The following INTS3 variants were observed in gnomAD, a reference collection of about 807,000 sequenced individuals.
INTS3 encodes integrator complex subunit 3.
Under a neutral mutation model 146.3 loss-of-function variants are expected in INTS3, and 34 were observed. That is an observed-to-expected ratio of 0.23 (90% CI 0.18 to 0.31). INTS3 has a LOEUF of 0.31. Ranked by LOEUF, INTS3 falls within the 10% of genes least tolerant of loss-of-function variation. The pLI is 1.00. For missense variants in INTS3, 757 were observed against 1,304.2 expected, an observed-to-expected ratio of 0.58 and a Z score of 6.46; for synonymous variants, 475 against 494.9, an observed-to-expected ratio of 0.96 and a Z score of 0.53.
intron 20 of INTS3, among the ~76,000 whole-genome samples, chr1:153,765,449 C>T (rs1175728684): frequency 2.0e-5 from 3 of 152,152 alleles, no homozygotes; most frequent in African/African-American, 7.2e-5. Context: ...CTTCAGCCTC[C>T]TGAGTAGCTA....
intron 4 of INTS3, 52 bp downstream of exon 4, chr1:153,747,122 TTCTC>T: frequency 7.2e-7 from 1 of 1,394,002 alleles, no homozygotes; most frequent in Non-Finnish European, 1.0e-6. Flanking sequence ...AGGATGGATC[TTCTC>T]TCTGTCAGGA....
Position 153,757,531 on chromosome 1 carries a change from A to T in INTS3, c.958-41A>T. On this transcript the variant is annotated intron_variant, in intron 9 of 29. Coordinates refer to ENST00000318967, the MANE Select transcript of INTS3 (RefSeq NM_023015.5). This position sits in a 1 kb window ranked among gnomAD's most constrained non-coding sequence, Gnocchi z 4.0. ...GTTTTCCTCTGGCCAAGGACCCCACACTGTCTTCTAAGGTCTTTTTCTTGC... is the reference window on the plus strand; with the variant it reads ...GTTTTCCTCTGGCCAAGGACCCCACTCTGTCTTCTAAGGTCTTTTTCTTGC... 1.3e-6 allele frequency: 2 copies of T among 1,587,534 alleles called. No homozygotes were observed. Among genetic ancestry groups the T allele is most frequent in the Non-Finnish European group, 1.7e-6 (2 of 1,158,500 alleles).
chr1:153,757,853 A>C lies in INTS3; in HGVS notation c.1149+90A>C. The C allele has an allele frequency of 9.5e-7, 1 of 1,053,506 alleles. No homozygotes were observed. Among genetic ancestry groups the C allele is most frequent in the Non-Finnish European group, 1.4e-6 (1 of 696,510 alleles). The allele number at this position is 1,053,506 out of a possible 1,614,324, so 65.3% of individuals were successfully genotyped here. ...TTCTTCCTGACTCCAGGGCCACTTG[A>C]CCCCTAAGGGCCCTTCTTTCACTCT... On this transcript the variant is annotated intron_variant, in intron 10 of 29. Coordinates refer to ENST00000318967, the MANE Select transcript of INTS3 (RefSeq NM_023015.5). This position sits in a 1 kb window ranked among gnomAD's most constrained non-coding sequence, Gnocchi z 4.0.
At chr1:153,754,170 C>T (rs1164873292) in intron 8 of INTS3, among the ~76,000 whole-genome samples, 1 of 152,050 alleles carries the variant, frequency 6.6e-6, no homozygotes. Context: ...TTGAGGGAGG[C>T]ACATCTCACG....
intron 17 of INTS3, 110 bp downstream of exon 17, chr1:153,763,996 T>A: frequency 7.8e-7 from 1 of 1,284,006 alleles, no homozygotes. Flanking sequence ...GTCCCTCTTA[T>A]AGTGGGGAGG....
At position 153,772,949 on chromosome 1, in the gene INTS3, G is replaced by A. The variant is rs781554191; in HGVS notation, c.2919G>A (p.Ala973=). ...KMKFSDLFSL[A]EEYEDSSTKP... is the part of the protein sequence containing the mutation. ...GATTCAGTGATCTCTTCTCCCTGGC[G>A]GAGGAATATGAGGACTCTTCCACCA... Residue 973 remains alanine, a synonymous_variant, in exon 29 of 30, where the codon GCG becomes GCA. Transcript: ENST00000318967. This position sits in a 1 kb window ranked among gnomAD's most constrained non-coding sequence, Gnocchi z 4.6. 12 of 1,613,994 alleles carry A rather than the reference G, an allele frequency of 7.4e-6. No homozygotes were observed. Among genetic ancestry groups the A allele is most frequent in the African/African-American group, 2.7e-5 (2 of 74,904 alleles).
intron 25 of INTS3, among the ~76,000 whole-genome samples, chr1:153,771,513 C>A (rs1464881024): frequency 1.3e-5 from 2 of 152,118 alleles, no homozygotes; most frequent in Non-Finnish European, 2.9e-5. Context: ...CAGGCCCACT[C>A]CCTGACTGTT....
chr1:153,745,917 A>G (rs1220668621), intron 3 of INTS3, among the ~76,000 whole-genome samples: 1 of 152,190 alleles, frequency 6.6e-6, no homozygotes, highest in African/African-American at 2.4e-5. Context: ...CCTAGGGAAC[A>G]TAGTGAGACC....
intron 16 of INTS3, 89 bp downstream of exon 16, chr1:153,763,451 G>T: frequency 7.1e-7 from 1 of 1,408,274 alleles, no homozygotes; most frequent in Admixed American, 1.7e-5. Flanking sequence ...GATGGGGGTT[G>T]GAGGCAAACA....
intron 21 of INTS3, among the ~76,000 whole-genome samples, chr1:153,768,468 C>T (rs1370229221): frequency 2.0e-5 from 3 of 152,214 alleles, no homozygotes; most frequent in Non-Finnish European, 4.4e-5. Flanking sequence ...CACCTCCAGA[C>T]ATAAACTCTC....
At position 153,759,689 on chromosome 1, in the gene INTS3, A is replaced by G. The variant is rs1369872367; in HGVS notation, c.1237+76A>G. 3.2e-6 allele frequency: 3 copies of G among 944,250 alleles called. No individual in the cohort carries two copies. In the African/African-American group the frequency reaches 4.9e-5, roughly 15 times the overall value. 58.5% of individuals were successfully genotyped at this position (944,250 alleles called of 1,614,324 possible). A position where few individuals can be genotyped will look rare whatever the true frequency, so the allele number is the denominator to read the frequency against. ...ACTGCCTTCCTTAGTGATAGCAGTC[A>G]TAAATCTCAGGGCACCGTGGAGTGG... is the stretch of plus-strand genomic sequence containing the variant. On this transcript the variant is annotated intron_variant, in intron 11 of 29. Transcript: ENST00000318967.
intron 20 of INTS3, 40 bp from the exon 21 acceptor site, chr1:153,767,634 T>C: frequency 1.3e-6 from 2 of 1,524,458 alleles, no homozygotes; most frequent in Non-Finnish European, 1.8e-6. Context: ...AGGTGGGCAC[T>C]GGGGTCAGGC....
chr1:153,741,690 A>T (rs1379543817), intron 3 of INTS3, among the ~76,000 whole-genome samples: 1 of 152,262 alleles, frequency 6.6e-6, no homozygotes, highest in Non-Finnish European at 1.5e-5. Context: ...AACCAAGTCC[A>T]TGAGAGTTCT....
At chr1:153,740,380 A>G (rs1185072074) in intron 1 of INTS3, among the ~76,000 whole-genome samples, 1 of 152,220 alleles carries the variant, frequency 6.6e-6, no homozygotes, top group African/African-American at 2.4e-5. Flanking sequence ...GATTAGAGGC[A>G]TGAGCCACCA....
chr1:153,760,445 A>C (rs1363061677), intron 12 of INTS3, 55 bp downstream of exon 12: 3 of 1,372,374 alleles, frequency 2.2e-6, no homozygotes, highest in Non-Finnish European at 3.1e-6. Context: ...AATTCAGTGT[A>C]TCTCCCCTAA....
chr1:153,737,884 G>T (rs529675877), intron 1 of INTS3, among the ~76,000 whole-genome samples: 1 of 152,000 alleles, frequency 6.6e-6, no homozygotes, highest in Admixed American at 6.6e-5. Context: ...TTAACATTTT[G>T]GGGGGACATT....
At chr1:153,749,690 T>C (rs1671885252) in intron 6 of INTS3, among the ~76,000 whole-genome samples, 1 of 152,252 alleles carries the variant, frequency 6.6e-6, no homozygotes, top group Admixed American at 6.5e-5. Flanking sequence ...AACAGTCTCT[T>C]CTTACCAGAT....
intron 1 of INTS3, among the ~76,000 whole-genome samples, chr1:153,730,563 A>G (rs1250852897): frequency 2.0e-5 from 3 of 152,104 alleles, no homozygotes; most frequent in African/African-American, 4.8e-5. Flanking sequence ...CTTTAATTCA[A>G]TTCACTGAAT....
intron 15 of INTS3, 93 bp from the exon 16 acceptor site, chr1:153,763,140 G>C (rs1672446001): frequency 6.7e-7 from 1 of 1,499,200 alleles, no homozygotes; most frequent in Non-Finnish European, 9.2e-7. Context: ...TGCACACTTA[G>C]GGCATGTGAG....
Sources: allele counts gnomAD v4.1 joint callset (sites outside exome capture counted in the v4.1 genomes callset), GRCh38; gene constraint gnomAD v4.1.1; non-coding constraint Gnocchi (gnomAD v3.1); transcripts MANE v1.5; gene names NCBI Gene and HGNC (gene_info 2026-07-23, HGNC 2026-07-21).